EMP2: variants seen among roughly 807,000 people sequenced by gnomAD.
EMP2 encodes the protein epithelial membrane protein 2.
EMP2 carries 19 observed loss-of-function variants against 13.7 expected under a neutral mutation model. The observed-to-expected ratio is 1.38, with a 90% confidence interval of 0.97 to 2.03. The LOEUF is 2.03. Ranked by LOEUF, EMP2 falls within the 30% of genes most tolerant of loss-of-function variation. EMP2 has a pLI of 0.00. For missense variants in EMP2, 253 were observed against 220.7 expected (o/e 1.15, Z -0.93); for synonymous variants, 97 against 84.7 (o/e 1.15, Z -0.80).
intron 1 of EMP2, among the ~76,000 whole-genome samples, chr16:10,570,072 A>G (rs1207646263): frequency 6.7e-6 from 1 of 149,000 alleles, no homozygotes; most frequent in Non-Finnish European, 1.5e-5. Flanking sequence ...CGCGATGGTT[A>G]CCGGGGTGCC....
At position 10,562,378 on chromosome 16, in the gene EMP2, C is replaced by CTCTCTCTCTCTA. The variant is rs1312547668; in HGVS notation, c.-60-14702_-60-14701insTAGAGAGAGAGA. On this transcript the variant is annotated intron_variant, in intron 1 of 4. Coordinates refer to ENST00000359543, the MANE Select transcript of EMP2 (RefSeq NM_001424.6). ...TCTCTCTCTCTCTCTCTCTCTCTCT[C>CTCTCTCTCTCTA]TCTATCTATCTCTCTCTCTCTATCT... Among the ~76,000 whole-genome samples the CTCTCTCTCTCTA allele has an allele frequency of 4.2e-3, 567 of 135,184 alleles. 2 individuals are homozygous for CTCTCTCTCTCTA. Among genetic ancestry groups the CTCTCTCTCTCTA allele is most frequent in the Non-Finnish European group, 6.0e-3 (376 of 62,468 alleles). 88.7% of individuals were successfully genotyped at this position (135,184 alleles called of 152,430 possible).
chr16:10,542,126 T>C (rs2354416), intron 3 of EMP2, among the ~76,000 whole-genome samples: 11,592 of 152,112 alleles, frequency 0.076, 794 homozygotes, highest in African/African-American at 0.19. Flanking sequence ...AAATAAATTT[T>C]AGGAGAGGCA....
chr16:10,543,337 G>C (rs1398043685), intron 3 of EMP2, among the ~76,000 whole-genome samples: 2 of 152,274 alleles, frequency 1.3e-5, no homozygotes, highest in Admixed American at 6.5e-5. Flanking sequence ...GAAGGCATGA[G>C]GTCCAACTTA....
In EMP2 at chr16:10,531,751, G is replaced by GAATA. The variant is rs995073534; in HGVS notation, c.*1153_*1154insTATT. 3.4e-4 allele frequency: 4 copies of GAATA among 11,820 alleles called. No individual in the cohort carries two copies. Among genetic ancestry groups the GAATA allele is most frequent in the Non-Finnish European group, 8.0e-4 (4 of 5,018 alleles). 0.7% of individuals were successfully genotyped at this position (11,820 alleles called of 1,614,324 possible). A position where few individuals can be genotyped will look rare whatever the true frequency, so the allele number is the denominator to read the frequency against. On this transcript the variant is annotated 3_prime_UTR_variant, in exon 5 of 5. Coordinates refer to ENST00000359543, the MANE Select transcript of EMP2 (RefSeq NM_001424.6). Reference sequence around the variant, plus strand: ...CATGCAAGTTATGATTTATGTTGATGAATGAATGAATGAATGAATGAATGA... The same window carrying GAATA: ...CATGCAAGTTATGATTTATGTTGATGAATAAATGAATGAATGAATGAATGAATGA...
rs567302066 is a variant in EMP2, at chr16:10,563,535, G to C, written c.-60-15858C>G. On this transcript the variant is annotated intron_variant, in intron 1 of 4. Coordinates refer to ENST00000359543, the MANE Select transcript of EMP2 (RefSeq NM_001424.6). ...AGTGACAAGACCTATCATTTTTATA[G>C]ATGGATCTTTGCTGGCGAGTTAAAG... Among the ~76,000 whole-genome samples, 10 of 152,276 alleles carry C rather than the reference G, an allele frequency of 6.6e-5. No homozygotes were observed. The South Asian group carries it at 2.1e-3, about 32-fold the overall frequency.
chr16:10,538,548 G>A (rs2050668997), intron 3 of EMP2, among the ~76,000 whole-genome samples: 1 of 152,164 alleles, frequency 6.6e-6, no homozygotes, highest in Non-Finnish European at 1.5e-5. Flanking sequence ...CTAGCCTGTA[G>A]GTATCGGAGG....
intron 4 of EMP2, among the ~76,000 whole-genome samples, chr16:10,533,541 T>C (rs1363548917): frequency 1.7e-4 from 26 of 152,178 alleles, no homozygotes; most frequent in Admixed American, 1.7e-3. Flanking sequence ...AGACGTACCC[T>C]GTAAAGGGCC....
chr16:10,555,022 C>G (rs186074233), intron 1 of EMP2, among the ~76,000 whole-genome samples: 257 of 152,276 alleles, frequency 1.7e-3, no homozygotes, highest in African/African-American at 5.9e-3. Flanking sequence ...TATTTGCTAT[C>G]ATTGTCCAGT....
At chr16:10,566,136 C>T (rs1354785926) in intron 1 of EMP2, among the ~76,000 whole-genome samples, 1 of 152,204 alleles carries the variant, frequency 6.6e-6, no homozygotes, top group Non-Finnish European at 1.5e-5. Context: ...TTACCGGACC[C>T]TAAGCTTCAG....
chr16:10,538,160 T>A, intron 3 of EMP2, 86 bp from the exon 4 acceptor site: 1 of 1,528,962 alleles, frequency 6.5e-7, no homozygotes, highest in South Asian at 1.2e-5. Flanking sequence ...AGCTCCAGAG[T>A]AGGTGTGACA....
intron 1 of EMP2, among the ~76,000 whole-genome samples, chr16:10,566,662 C>A (rs1442495879): frequency 6.6e-6 from 1 of 152,208 alleles, no homozygotes; most frequent in Non-Finnish European, 1.5e-5. Context: ...CTTCAGTGGT[C>A]TCCAACCACG....
chr16:10,551,790 C>G (rs2050790389), intron 1 of EMP2, among the ~76,000 whole-genome samples: 1 of 152,156 alleles, frequency 6.6e-6, no homozygotes, highest in African/African-American at 2.4e-5. Context: ...TGCACAAACC[C>G]TCCACCTTTT....
intron 1 of EMP2, among the ~76,000 whole-genome samples, chr16:10,569,868 G>A (rs2050935152): frequency 6.6e-6 from 1 of 152,208 alleles, no homozygotes; most frequent in African/African-American, 2.4e-5. Flanking sequence ...ATAAACGGAT[G>A]CTGATCATGC....
chr16:10,554,291 C>G (rs574972455), intron 1 of EMP2, among the ~76,000 whole-genome samples: 77 of 152,338 alleles, frequency 5.1e-4, no homozygotes, highest in African/African-American at 1.8e-3. Flanking sequence ...CTTGGCCTCC[C>G]AGAGTGCTAG....
At chr16:10,571,570 T>C (rs527485002) in intron 1 of EMP2, among the ~76,000 whole-genome samples, 39 of 152,328 alleles carry the variant, frequency 2.6e-4, no homozygotes, top group African/African-American at 8.7e-4. Context: ...TAGGAGCAGT[T>C]GAAACTACTG....
intron 1 of EMP2, among the ~76,000 whole-genome samples, chr16:10,579,726 AC>A (rs2051011527): frequency 6.6e-6 from 1 of 151,816 alleles, no homozygotes; most frequent in Non-Finnish European, 1.5e-5. Context: ...ACACACACAC[AC>A]ACACACACAC....
intron 1 of EMP2, among the ~76,000 whole-genome samples, chr16:10,551,425 G>A (rs996889712): frequency 1.3e-5 from 2 of 152,184 alleles, no homozygotes; most frequent in Non-Finnish European, 2.9e-5. Context: ...GTTTGTTTTT[G>A]AGACAGAGTC....
At chr16:10,539,780 G>A (rs542521556) in intron 3 of EMP2, among the ~76,000 whole-genome samples, 20 of 152,092 alleles carry the variant, frequency 1.3e-4, no homozygotes, top group Middle Eastern at 3.4e-3. Context: ...TCAGAACGTC[G>A]GGCATTGAGA....
In EMP2 at chr16:10,543,615, A is replaced by T; in HGVS notation, c.124T>A (p.Cys42Ser). The change falls in exon 3 of 5, where the codon TGT becomes AGT. Residue 42 changes from cysteine (C) to serine (S), a missense_variant. By Grantham distance (112) the Cys-to-Ser change is moderately radical. Transcript: ENST00000359543. ...DEFFADVWRI[C>S]TNNTNCTVIN... is the part of the protein sequence containing the mutation. The stretch of plus-strand genomic sequence containing the variant: ...ACTGTGCAATTCGTGTTGTTGGTAC[A>T]TATTCTCCAGACATCTGCAAAAAAC... 6.2e-7 allele frequency: 1 copy of T among 1,614,244 alleles called. No individual in the cohort carries two copies. The highest frequency in any genetic ancestry group is 8.5e-7 in the Non-Finnish European group (1 of 1,180,034).
Sources: gnomAD v4.1 joint callset for allele counts (sites outside exome capture counted in the v4.1 genomes callset) on GRCh38, gnomAD v4.1.1 for gene constraint, MANE v1.5 for transcripts, NCBI Gene and HGNC (gene_info 2026-07-23, HGNC 2026-07-21) for gene names.